FCF1: variants seen among roughly 807,000 people sequenced by gnomAD.
FCF1 encodes the protein FCF1 rRNA-processing protein, also known as rRNA-processing protein FCF1 homolog.
In FCF1, 17 loss-of-function variants were observed where a neutral mutation model predicts 32.5. That is an observed-to-expected ratio of 0.52 (90% confidence interval 0.36 to 0.78). The LOEUF is 0.78. FCF1 is among the 30% of genes least tolerant of loss of function. FCF1 has a pLI of 0.00. For synonymous variants in FCF1, 84 were observed against 78.4 expected, an observed-to-expected ratio of 1.07 and a Z score of -0.38; for missense variants, 201 against 241.1, an observed-to-expected ratio of 0.83 and a Z score of 1.10.
intron 5 of FCF1, among the ~76,000 whole-genome samples, chr14:74,730,719 G>C (rs1268863118): frequency 6.6e-6 from 1 of 152,138 alleles, no homozygotes; most frequent in Non-Finnish European, 1.5e-5. Flanking sequence ...TCTCAAAAAG[G>C]CTGGGTGCAG....
rs777598403 is a variant in FCF1 at position 74,738,257 on chromosome 14, C to T, written c.*3327C>T. 7.9e-5 allele frequency: 12 copies of T among 152,070 alleles called. No individual in the cohort carries two copies. The highest frequency in any genetic ancestry group is 3.3e-4 in the Admixed American group (5 of 15,250). The allele number at this position is 152,070 out of a possible 1,614,324, so 9.4% of individuals were successfully genotyped here. ...AGATGGGATTTTGCCTTATTGCCCA[C>T]CTTGGCCTTCTAAAGTATTGGGATT... On this transcript the variant is annotated 3_prime_UTR_variant, in exon 8 of 8. Coordinates refer to ENST00000341162, the MANE Select transcript of FCF1 (RefSeq NM_015962.5).
At position 74,715,981 on chromosome 14, in the gene FCF1, A is replaced by G. The variant is rs902563358; in HGVS notation, c.174A>G (p.Gln58=). 19 of 1,613,688 alleles carry G rather than the reference A, an allele frequency of 1.2e-5. No individual in the cohort carries two copies. The African/African-American group carries it at 2.3e-4, about 19-fold the overall frequency. The change falls in exon 4 of 8, where the codon CAA becomes CAG. Residue 58 remains glutamine (Q), a synonymous_variant. Coordinates refer to ENST00000341162, the MANE Select transcript of FCF1 (RefSeq NM_015962.5). ...AACACCCTTCCTGCTTATTTTTCCA[A>G]TATAATACACAGCTGGGCCCACCTT... The part of the protein sequence containing the change: ...VPQHPSCLFF[Q]YNTQLGPPYH...
rs1437346675 is a variant in FCF1, at chr14:74,716,044, C to G, written c.237C>G (p.Ser79=). The change falls in exon 4 of 8, where the codon TCC becomes TCG. Residue 79 remains serine (S), a synonymous_variant. Coordinates refer to ENST00000341162, the MANE Select transcript of FCF1 (RefSeq NM_015962.5). ...ILVDTNFINF[S]IKAKLDLVQS... is the part of the protein sequence containing the mutation. ...TTGATACCAACTTTATCAACTTTTC[C>G]ATAAAAGCCAAACTGGACTTAGTGC... is the stretch of plus-strand genomic sequence containing the variant. The G allele has an allele frequency of 1.9e-6, 3 of 1,613,980 alleles. No individual in the cohort carries two copies. In the Admixed American group the frequency reaches 5.0e-5, roughly 27 times the overall value.
intron 5 of FCF1, among the ~76,000 whole-genome samples, chr14:74,723,882 T>C (rs992977396): frequency 6.6e-6 from 1 of 151,426 alleles, no homozygotes; most frequent in Non-Finnish European, 1.5e-5. Context: ...ATTGAATATT[T>C]GTGTATAGCA....
chr14:74,732,917 A>C, intron 6 of FCF1, 99 bp downstream of exon 6: 1 of 695,066 alleles, frequency 1.4e-6, no homozygotes, highest in Non-Finnish European at 2.4e-6. Context: ...CTAGGAATAT[A>C]CATTATGGTT....
intron 5 of FCF1, among the ~76,000 whole-genome samples, chr14:74,731,153 T>C (rs1260737442): frequency 6.6e-6 from 1 of 151,222 alleles, no homozygotes; most frequent in African/African-American, 2.4e-5. Flanking sequence ...TTTAAAACAA[T>C]AAAAATAAAG....
At chr14:74,713,745 A>G in intron 2 of FCF1, 193 bp downstream of exon 2, 1 of 611,100 alleles carries the variant, frequency 1.6e-6, no homozygotes, top group Admixed American at 3.0e-5. Context: ...ATGGGAATTA[A>G]ACATTTCTTA....
intron 4 of FCF1, among the ~76,000 whole-genome samples, chr14:74,716,509 A>G (rs960354899): frequency 2.0e-5 from 3 of 152,340 alleles, no homozygotes; most frequent in Middle Eastern, 6.8e-3. Flanking sequence ...ATTTATGATC[A>G]CAGCCCTAGA....
intron 5 of FCF1, among the ~76,000 whole-genome samples, chr14:74,732,154 T>TTTTA (rs2090646355): frequency 1.3e-5 from 2 of 149,958 alleles, no homozygotes; most frequent in South Asian, 2.1e-4. Flanking sequence ...TTAAATCATA[T>TTTTA]TATATATATA....
chr14:74,715,219 T>C (rs993230691), intron 3 of FCF1, among the ~76,000 whole-genome samples: 11 of 152,150 alleles, frequency 7.2e-5, no homozygotes, highest in Non-Finnish European at 1.5e-4. Context: ...TGCCATTGTT[T>C]AACACACCAG....
intron 5 of FCF1, 46 bp downstream of exon 5, chr14:74,723,390 G>T: frequency 7.7e-7 from 1 of 1,303,218 alleles, no homozygotes; most frequent in Non-Finnish European, 1.1e-6. Context: ...GTATACTGAA[G>T]ATTCATCTGT....
At chr14:74,728,421 A>G (rs2090598579) in intron 5 of FCF1, among the ~76,000 whole-genome samples, 1 of 152,094 alleles carries the variant, frequency 6.6e-6, no homozygotes, top group Non-Finnish European at 1.5e-5. Flanking sequence ...TTGTTGGTGT[A>G]TAAGAATGCT....
At chr14:74,716,202 T>G in intron 4 of FCF1, 103 bp downstream of exon 4, 1 of 1,135,424 alleles carries the variant, frequency 8.8e-7, no homozygotes. Context: ...ACTGAATTGC[T>G]GGCCATTTAA....
rs2090712023 is a variant in FCF1 at position 74,736,776 on chromosome 14, A to G, written c.*1846A>G. 6.6e-6 allele frequency: 1 copy of G among 152,220 alleles called. No homozygotes were observed. The highest frequency in any genetic ancestry group is 1.5e-5 in the Non-Finnish European group (1 of 68,042). The allele number at this position is 152,220 out of a possible 1,614,324, so 9.4% of individuals were successfully genotyped here. ...TCATTGTTTTATACTGACTTACTCA[A>G]TAAACATTTATTAAATGTATACTAG... is the stretch of plus-strand genomic sequence containing the variant. On this transcript the variant is annotated 3_prime_UTR_variant, in exon 8 of 8. Coordinates refer to ENST00000341162, the MANE Select transcript of FCF1 (RefSeq NM_015962.5).
intron 3 of FCF1, 39 bp from the exon 4 acceptor site, chr14:74,715,912 T>C (rs370604952): frequency 6.2e-7 from 1 of 1,611,494 alleles, no homozygotes; most frequent in Non-Finnish European, 8.5e-7. Context: ...AGGGTATCAA[T>C]GTAAATTTTT....
chr14:74,724,188 C>CAACACAGT (rs1275898805), intron 5 of FCF1, among the ~76,000 whole-genome samples: 2 of 152,184 alleles, frequency 1.3e-5, no homozygotes, highest in African/African-American at 2.4e-5. Context: ...CATACTCTTA[C>CAACACAGT]AACACAGTCT....
At chr14:74,724,893 A>G (rs1039265195) in intron 5 of FCF1, among the ~76,000 whole-genome samples, 1 of 151,812 alleles carries the variant, frequency 6.6e-6, no homozygotes, top group Non-Finnish European at 1.5e-5. Flanking sequence ...TGATAGAGTG[A>G]GACTCTGTCT....
intron 4 of FCF1, among the ~76,000 whole-genome samples, chr14:74,721,764 A>C (rs2090506852): frequency 6.6e-6 from 1 of 152,226 alleles, no homozygotes; most frequent in South Asian, 2.1e-4. Context: ...GTTACATACT[A>C]TTCTATTGTT....
At chr14:74,716,782 A>T (rs1247020975) in intron 4 of FCF1, among the ~76,000 whole-genome samples, 1 of 152,174 alleles carries the variant, frequency 6.6e-6, no homozygotes, top group African/African-American at 2.4e-5. Context: ...TTTTTCAGTC[A>T]CCCGGTTAGA....
Sources: allele counts gnomAD v4.1 joint callset (sites outside exome capture counted in the v4.1 genomes callset), GRCh38; gene constraint gnomAD v4.1.1; transcripts MANE v1.5; gene names NCBI Gene and HGNC (gene_info 2026-07-23, HGNC 2026-07-21).